The following MEGF8 variants were observed in gnomAD, a reference collection of about 807,000 sequenced individuals.
MEGF8 encodes the protein multiple epidermal growth factor-like domains protein 8.
A neutral mutation model predicts 302.9 loss-of-function variants in MEGF8; 156 were observed. The ratio of observed to expected loss-of-function variants is 0.52; its 90% confidence interval spans 0.45 to 0.59. MEGF8 has a LOEUF of 0.59. Ranked by LOEUF, MEGF8 falls within the 20% of genes least tolerant of loss-of-function variation. The pLI, the probability that MEGF8 is intolerant of heterozygous loss-of-function variation, is 0.00. For missense variants in MEGF8, 3,345 were observed against 3,964.5 expected (o/e 0.84, Z 4.20); for synonymous variants, 1,621 against 1,660.5 (o/e 0.98, Z 0.58).
Position 42,336,295 on chromosome 19 carries a change from C to T in MEGF8, c.1193C>T (p.Ala398Val), listed in dbSNP as rs780709754. 1 of 1,607,730 alleles carries T rather than the reference C, an allele frequency of 6.2e-7. No homozygotes were observed. ...ACTGGCCACTCCATGGTGTTCCATG[C>T]CCCCTCCCGTGCCCTGCTGGTCCAT... is the stretch of plus-strand genomic sequence containing the variant. ...AATGHSMVFH[A>V]PSRALLVHGG... Residue 398 changes from alanine (A) to valine (V), a missense_variant, in exon 6 of 42, where the codon GCC becomes GTC. Physicochemically the swap from Ala to Val is moderately conservative, Grantham distance 64. Coordinates refer to ENST00000251268, the MANE Select transcript of MEGF8 (RefSeq NM_001271938.2). The surrounding 1 kb of genome is among the most constrained non-coding windows in gnomAD (Gnocchi z 4.8).
intron 12 of MEGF8, among the ~76,000 whole-genome samples, chr19:42,347,315 C>CTTT (rs1318739885): frequency 6.6e-5 from 9 of 135,806 alleles, no homozygotes; most frequent in East Asian, 4.2e-4. Flanking sequence ...CACTCTCATT[C>CTTT]TTTTTTTTTT....
Position 42,356,029 on chromosome 19 carries a change from T to C in MEGF8, c.4392+24T>C, listed in dbSNP as rs778941524. ...AGGTACAGGTGGGAGAGGGCAAGTC[T>C]GGTGGGACAGGGCTGGTGATCAGGG... On this transcript the variant is annotated intron_variant, in intron 24 of 41. Transcript: ENST00000251268. This position sits in a 1 kb window ranked among gnomAD's most constrained non-coding sequence, Gnocchi z 5.2. 3.7e-6 allele frequency: 6 copies of C among 1,606,046 alleles called. No individual in the cohort carries two copies. Among genetic ancestry groups the C allele is most frequent in the Non-Finnish European group, 5.1e-6 (6 of 1,174,206 alleles).
chr19:42,353,584 T>C lies in MEGF8; in HGVS notation c.3670T>C (p.Cys1224Arg). The C allele has an allele frequency of 1.3e-6, 2 of 1,597,284 alleles. No homozygotes were observed. The highest frequency in any genetic ancestry group is 1.7e-6 in the Non-Finnish European group (2 of 1,172,322). Residue 1224 changes from cysteine (C) to arginine (R), a missense_variant, in exon 21 of 42, where the codon TGC becomes CGC. By Grantham distance (180) the Cys-to-Arg change is radical. Transcript: ENST00000251268. The surrounding 1 kb of genome is among the most constrained non-coding windows in gnomAD (Gnocchi z 6.1). Reference protein sequence around the residue: ...NGHGDPRRGHCDNLSGLCFCQ... With the variant: ...NGHGDPRRGHRDNLSGLCFCQ... ...GCACGGGGACCCACGCCGTGGCCACTGCGACAACCTCAGTGGGCTCTGCTT... is the reference window on the plus strand; with the variant it reads ...GCACGGGGACCCACGCCGTGGCCACCGCGACAACCTCAGTGGGCTCTGCTT...
At position 42,335,098 on chromosome 19, in the gene MEGF8, G is replaced by C. The variant is rs2147448727; in HGVS notation, c.622G>C (p.Glu208Gln). The C allele has an allele frequency of 6.2e-7, 1 of 1,613,976 alleles. No homozygotes were observed. Among genetic ancestry groups the C allele is most frequent in the Non-Finnish European group, 8.5e-7 (1 of 1,179,892 alleles). ...LGRACDLHLW[E>Q]NQGAGWWHNV... ...ACGTGCCTGTGACCTGCACCTGTGG[G>C]AGAACCAGGGGGCTGGGTGGTGGCA... The change falls in exon 4 of 42, where the codon GAG becomes CAG. Residue 208 changes from glutamate to glutamine, a missense_variant. Physicochemically the swap from Glu to Gln is conservative, Grantham distance 29. Transcript: ENST00000251268.
Position 42,358,187 on chromosome 19 carries a change from C to A in MEGF8, c.5055C>A (p.Ser1685=). 1.2e-6 allele frequency: 2 copies of A among 1,601,974 alleles called. No individual in the cohort carries two copies. Among genetic ancestry groups the A allele is most frequent in the South Asian group, 1.1e-5 (1 of 88,372 alleles). The change falls in exon 29 of 42, where the codon TCC becomes TCA. Residue 1685 remains serine, a synonymous_variant. Coordinates refer to ENST00000251268, the MANE Select transcript of MEGF8 (RefSeq NM_001271938.2). The surrounding 1 kb of genome is among the most constrained non-coding windows in gnomAD (Gnocchi z 4.4). ...HSAVYHEATD[S]LYVFGGFRFH... is the part of the protein sequence containing the mutation. Reference sequence around the variant, plus strand: ...CTGTCTACCACGAGGCCACCGACTCCCTCTACGTGTTTGGGGGGTTCCGAT... The same window carrying A: ...CTGTCTACCACGAGGCCACCGACTCACTCTACGTGTTTGGGGGGTTCCGAT...
In MEGF8 at chr19:42,336,866, C is replaced by T. The variant is rs200021307; in HGVS notation, c.1304C>T (p.Thr435Met). 157 of 1,612,798 alleles carry T rather than the reference C, an allele frequency of 9.7e-5. No individual in the cohort carries two copies. The highest frequency in any genetic ancestry group is 2.2e-4 in the Admixed American group (13 of 59,552). ...CACGTGGATCGGCATGTGTGGACGACGCTGAAGGGGCGGGATGGGCTTCAG... is the reference window on the plus strand; with the variant it reads ...CACGTGGATCGGCATGTGTGGACGATGCTGAAGGGGCGGGATGGGCTTCAG... ...LFHVDRHVWT[T>M]LKGRDGLQGP... is the part of the protein sequence containing the mutation. The change falls in exon 7 of 42, where the codon ACG becomes ATG. Residue 435 changes from threonine (T) to methionine (M), a missense_variant. By Grantham distance (81) the Thr-to-Met change is moderately conservative. Coordinates refer to ENST00000251268, the MANE Select transcript of MEGF8 (RefSeq NM_001271938.2). The surrounding 1 kb of genome is among the most constrained non-coding windows in gnomAD (Gnocchi z 4.8).
chr19:42,333,835 T>G, intron 2 of MEGF8, 67 bp downstream of exon 2: 1 of 1,583,854 alleles, frequency 6.3e-7, no homozygotes, highest in Non-Finnish European at 8.6e-7. Flanking sequence ...GGACAGAGAG[T>G]CAGTAAGAGG....
At chr19:42,338,778 A>G (rs1209380747) in intron 8 of MEGF8, among the ~76,000 whole-genome samples, 1 of 130,032 alleles carries the variant, frequency 7.7e-6, no homozygotes, top group African/African-American at 2.9e-5. Context: ...ATAGTATTCT[A>G]TGATGTATAC....
rs779700424 is a variant in MEGF8 at position 42,326,228 on chromosome 19, A to G, written c.-16A>G. On this transcript the variant is annotated 5_prime_UTR_variant, in exon 1 of 42. Coordinates refer to ENST00000251268, the MANE Select transcript of MEGF8 (RefSeq NM_001271938.2). ...ACGGCCTGTCCCCGCTCTAAGGGTC[A>G]GTGCAGGAGGCGGCGATGGCCCTGG... The G allele has an allele frequency of 5.4e-6, 8 of 1,493,774 alleles. No homozygotes were observed. The East Asian group carries it at 2.2e-4, about 40-fold the overall frequency. The allele number at this position is 1,493,774 out of a possible 1,614,324, so 92.5% of individuals were successfully genotyped here.
In MEGF8 at chr19:42,336,365, A is replaced by T. The variant is rs1341083223; in HGVS notation, c.1244+19A>T. 9.5e-6 allele frequency: 15 copies of T among 1,570,844 alleles called. No homozygotes were observed. Among genetic ancestry groups the T allele is most frequent in the Non-Finnish European group, 1.2e-5 (14 of 1,159,494 alleles). ...CTGCCCGGTAAGTGACCTGTCCCATAACCCATGCTCCACAGGCCAGGCCCA... is the reference window on the plus strand; with the variant it reads ...CTGCCCGGTAAGTGACCTGTCCCATTACCCATGCTCCACAGGCCAGGCCCA... On this transcript the variant is annotated intron_variant, in intron 6 of 41. Coordinates refer to ENST00000251268, the MANE Select transcript of MEGF8 (RefSeq NM_001271938.2). The surrounding 1 kb of genome is among the most constrained non-coding windows in gnomAD (Gnocchi z 4.8).
In MEGF8 at chr19:42,370,370, GGGGT is replaced by G; in HGVS notation, c.7005+12_7005+15del. 3.2e-6 allele frequency: 5 copies of G among 1,552,740 alleles called. No individual in the cohort carries two copies. Among genetic ancestry groups the G allele is most frequent in the Non-Finnish European group, 4.4e-6 (5 of 1,146,846 alleles). Reference sequence around the variant, plus strand: ...CTGGACCCAGAGGAGGTGAAAGAGAGGGGTCAGATGCCTGGGTCTGAGGGAGGAG... The same window carrying G: ...CTGGACCCAGAGGAGGTGAAAGAGAGCAGATGCCTGGGTCTGAGGGAGGAG... On this transcript the variant is annotated intron_variant, in intron 39 of 41. Transcript: ENST00000251268.
rs377453418 is a variant in MEGF8 at position 42,351,818 on chromosome 19, G to A, written c.3101+57G>A. 1.6e-5 allele frequency: 23 copies of A among 1,421,252 alleles called. No homozygotes were observed. The highest frequency in any genetic ancestry group is 4.3e-5 in the African/African-American group (3 of 70,434). 88.0% of individuals were successfully genotyped at this position (1,421,252 alleles called of 1,614,324 possible). A position where few individuals can be genotyped will look rare whatever the true frequency, so the allele number is the denominator to read the frequency against. On this transcript the variant is annotated intron_variant, in intron 18 of 41. Transcript: ENST00000251268. The surrounding 1 kb of genome is among the most constrained non-coding windows in gnomAD (Gnocchi z 5.6). ...CCGGCTGTGTCCTTCCTCCATGACCGGTCATTCTAATGGCCTCTTTGCTTC... is the reference window on the plus strand; with the variant it reads ...CCGGCTGTGTCCTTCCTCCATGACCAGTCATTCTAATGGCCTCTTTGCTTC...
rs758888823 is a variant in MEGF8 at position 42,354,678 on chromosome 19, G to A, written c.4102G>A (p.Gly1368Ser). 3 of 1,610,602 alleles carry A rather than the reference G, an allele frequency of 1.9e-6. No individual in the cohort carries two copies. Among genetic ancestry groups the A allele is most frequent in the Admixed American group, 3.3e-5 (2 of 60,002 alleles). Reference sequence around the variant, plus strand: ...CCGCAGCCTCATAGCTGCCTTCTGCGGCCAGCGACGGGACAGGCCCCTCAC... The same window carrying A: ...CCGCAGCCTCATAGCTGCCTTCTGCAGCCAGCGACGGGACAGGCCCCTCAC... ...SDRSLIAAFC[G>S]QRRDRPLTVQ... is the part of the protein sequence containing the mutation. The change falls in exon 23 of 42, where the codon GGC (glycine) becomes AGC (serine). Residue 1368 changes from glycine (G) to serine (S), a missense_variant. Coordinates refer to ENST00000251268, the MANE Select transcript of MEGF8 (RefSeq NM_001271938.2). The surrounding 1 kb of genome is among the most constrained non-coding windows in gnomAD (Gnocchi z 4.3).
intron 8 of MEGF8, among the ~76,000 whole-genome samples, chr19:42,342,511 C>T (rs779536872): frequency 6.6e-6 from 1 of 152,114 alleles, no homozygotes; most frequent in Non-Finnish European, 1.5e-5. Flanking sequence ...GTGGCGGGCG[C>T]CTGTAGTCTC....
chr19:42,329,600 G>A (rs1482585706), intron 1 of MEGF8, among the ~76,000 whole-genome samples: 1 of 152,160 alleles, frequency 6.6e-6, no homozygotes, highest in East Asian at 1.9e-4. Flanking sequence ...AGTGGCACAT[G>A]CCTGTAATCC....
At chr19:42,365,478 T>C (rs949303945) in intron 35 of MEGF8, among the ~76,000 whole-genome samples, 3 of 151,792 alleles carry the variant, frequency 2.0e-5, no homozygotes, top group African/African-American at 7.3e-5. Context: ...TTTAAAGTGA[T>C]GGCTTAGCTG....
At chr19:42,361,030 C>A in intron 32 of MEGF8, 24 bp downstream of exon 32, 1 of 1,528,930 alleles carries the variant, frequency 6.5e-7, no homozygotes, top group Non-Finnish European at 8.8e-7. Flanking sequence ...CCATGACAGG[C>A]AGTGGGGAGT....
At position 42,336,094 on chromosome 19, in the gene MEGF8, C is replaced by T; in HGVS notation, c.992C>T (p.Pro331Leu). Residue 331 changes from proline to leucine, a missense_variant, in exon 6 of 42, where the codon CCC becomes CTC. By Grantham distance (98) the Pro-to-Leu change is moderately conservative (BLOSUM62 -3). Coordinates refer to ENST00000251268, the MANE Select transcript of MEGF8 (RefSeq NM_001271938.2). The surrounding 1 kb of genome is among the most constrained non-coding windows in gnomAD (Gnocchi z 4.8). ...LAPPASSSSG[P>L]PGLAGHAAAL... Reference sequence around the variant, plus strand: ...CCACCTGCCTCCAGCTCCTCGGGGCCCCCAGGCCTGGCAGGTCACGCGGCT... The same window carrying T: ...CCACCTGCCTCCAGCTCCTCGGGGCTCCCAGGCCTGGCAGGTCACGCGGCT... 1 of 1,603,366 alleles carries T rather than the reference C, an allele frequency of 6.2e-7. No homozygotes were observed. The highest frequency in any genetic ancestry group is 1.3e-5 in the African/African-American group (1 of 75,008).
rs763333660 is a variant in MEGF8, at chr19:42,358,813, C to T, written c.5202C>T (p.Gly1734=). The T allele has an allele frequency of 6.3e-7, 1 of 1,585,488 alleles. No individual in the cohort carries two copies. The highest frequency in any genetic ancestry group is 2.2e-5 in the East Asian group (1 of 44,604). Residue 1734 remains glycine, a synonymous_variant, in exon 30 of 42, where the codon GGC becomes GGT. Transcript: ENST00000251268. The surrounding 1 kb of genome is among the most constrained non-coding windows in gnomAD (Gnocchi z 4.4). ...AKRDRMRNVR[G]SSRGLGQVPG... ...GAGATCGTATGAGGAATGTGCGTGGCTCATCTCGGGGTCTGGGCCAAGTTC... is the reference window on the plus strand; with the variant it reads ...GAGATCGTATGAGGAATGTGCGTGGTTCATCTCGGGGTCTGGGCCAAGTTC...
Sources: gnomAD v4.1 joint callset for allele counts (sites outside exome capture counted in the v4.1 genomes callset) on GRCh38, gnomAD v4.1.1 for gene constraint, Gnocchi (gnomAD v3.1) non-coding constraint, MANE v1.5 for transcripts, NCBI Gene and HGNC (gene_info 2026-07-23, HGNC 2026-07-21) for gene names.